TMC1: variants seen among roughly 807,000 people sequenced by gnomAD.
The protein encoded by TMC1 is transmembrane channel-like protein 1.
A neutral mutation model predicts 105.8 loss-of-function variants in TMC1; 84 were observed. That is an observed-to-expected ratio of 0.79 (90% confidence interval 0.67 to 0.95). TMC1 has a LOEUF of 0.95. Ranked by LOEUF, TMC1 falls within the 40% of genes least tolerant of loss-of-function variation. The pLI is 0.00. For missense variants in TMC1, 817 were observed against 914.1 expected (o/e 0.89, Z 1.37); for synonymous variants, 315 against 311.5 (o/e 1.01, Z -0.12).
chr9:72,596,145 G>T (rs1406728550), intron 2 of TMC1, among the ~76,000 whole-genome samples: 12 of 152,156 alleles, frequency 7.9e-5, no homozygotes, highest in Non-Finnish European at 1.5e-5. Flanking sequence ...AAAGTGCTGG[G>T]ATTACAGGCG....
rs890816547 is a variant in TMC1, at chr9:72,592,502, G to T, written c.-306+14479G>T. ...AGCACCTTGCTGTGAGCTCTCCTTG[G>T]GAGGCTGCCTCTCCCTCCTCCTTCA... On this transcript the variant is annotated intron_variant, in intron 2 of 23. Transcript: ENST00000297784. Among the ~76,000 whole-genome samples, 71 of 152,108 alleles carry T rather than the reference G, an allele frequency of 4.7e-4. 1 individual carries two copies. Among genetic ancestry groups the T allele is most frequent in the Admixed American group, 5.2e-4 (8 of 15,258 alleles).
chr9:72,654,113 G>A (rs1825851806), intron 5 of TMC1, among the ~76,000 whole-genome samples: 1 of 152,152 alleles, frequency 6.6e-6, no homozygotes, highest in African/African-American at 2.4e-5. Context: ...GAAGTCTGTT[G>A]TGAATGTTTG....
intron 2 of TMC1, among the ~76,000 whole-genome samples, chr9:72,582,469 G>GATTT (rs1824491109): frequency 6.6e-6 from 1 of 152,132 alleles, no homozygotes; most frequent in African/African-American, 2.4e-5. Context: ...ATTAACTGAG[G>GATTT]ATTTAGTTAG....
intron 5 of TMC1, among the ~76,000 whole-genome samples, chr9:72,679,455 T>C (rs1468845091): frequency 6.6e-6 from 1 of 152,054 alleles, no homozygotes; most frequent in African/African-American, 2.4e-5. Context: ...TTGTACAGAG[T>C]GCAACATATA....
At chr9:72,650,890 A>ATATATATATATATC (rs1564468483) in intron 5 of TMC1, among the ~76,000 whole-genome samples, 2 of 139,642 alleles carry the variant, frequency 1.4e-5, no homozygotes, top group African/African-American at 5.4e-5. Context: ...ATAGATATAT[A>ATATATATATATATC]GATATATATA....
Position 72,827,054 on chromosome 9 carries a change from C to T in TMC1, c.2129+60C>T, listed in dbSNP as rs1828968596. The T allele has an allele frequency of 3.7e-6, 6 of 1,609,630 alleles. No individual in the cohort carries two copies. The Admixed American group carries it at 1.0e-4, about 27-fold the overall frequency. ...GTGATGTTCTTCCTGGCTGTTTTTA[C>T]ATTTCAGCTTTTTCAGCTCTCTCAC... On this transcript the variant is annotated intron_variant, in intron 21 of 23. Transcript: ENST00000297784.
At chr9:72,793,539 A>G (rs369327407) in intron 17 of TMC1, among the ~76,000 whole-genome samples, 117 of 152,268 alleles carry the variant, frequency 7.7e-4, no homozygotes, top group African/African-American at 2.6e-3. Flanking sequence ...TGGGTCTCCT[A>G]TCCCTTTCCT....
intron 1 of TMC1, among the ~76,000 whole-genome samples, chr9:72,562,480 T>A (rs970998683): frequency 2.0e-5 from 3 of 152,214 alleles, no homozygotes; most frequent in African/African-American, 7.2e-5. Context: ...TGGCTGGAAG[T>A]CTAAGTGAAA....
chr9:72,673,656 A>T (rs969961516), intron 5 of TMC1, among the ~76,000 whole-genome samples: 1 of 152,158 alleles, frequency 6.6e-6, no homozygotes, highest in African/African-American at 2.4e-5. Flanking sequence ...CAGGCCAATA[A>T]ATTTGACAAC....
At chr9:72,792,423 A>G in intron 17 of TMC1, 71 bp downstream of exon 17, 6 of 1,589,900 alleles carry the variant, frequency 3.8e-6, no homozygotes, top group Non-Finnish European at 4.3e-6. Flanking sequence ...CTTCCATAAG[A>G]TTGGCTTTTA....
rs1201937333 is a variant in TMC1, at chr9:72,836,938, G to A, written c.*965G>A. Reference sequence around the variant, plus strand: ...GGTTTATTAAAAAGTTTTACAGCAGGAACAAAAGGAAATAAAATATACTTG... The same window carrying A: ...GGTTTATTAAAAAGTTTTACAGCAGAAACAAAAGGAAATAAAATATACTTG... On this transcript the variant is annotated 3_prime_UTR_variant, in exon 24 of 24. Coordinates refer to ENST00000297784, the MANE Select transcript of TMC1 (RefSeq NM_138691.3). The A allele has an allele frequency of 6.6e-6, 1 of 152,112 alleles. No homozygotes were observed. Among genetic ancestry groups the A allele is most frequent in the East Asian group, 1.9e-4 (1 of 5,186 alleles). The allele number at this position is 152,112 out of a possible 1,614,324, so 9.4% of individuals were successfully genotyped here.
chr9:72,795,178 A>G (rs530095699), intron 17 of TMC1, among the ~76,000 whole-genome samples: 7 of 152,350 alleles, frequency 4.6e-5, no homozygotes, highest in Admixed American at 4.6e-4. Flanking sequence ...GGGATGGGGA[A>G]AAAGCAAACA....
At chr9:72,723,173 T>TA (rs1412584413) in intron 8 of TMC1, among the ~76,000 whole-genome samples, 3 of 152,188 alleles carry the variant, frequency 2.0e-5, no homozygotes, top group Non-Finnish European at 4.4e-5. Flanking sequence ...TTTTTTAAAC[T>TA]AAAAAAACTG....
intron 17 of TMC1, 82 bp downstream of exon 17, chr9:72,792,434 A>G: frequency 1.3e-6 from 2 of 1,548,496 alleles, no homozygotes; most frequent in South Asian, 2.2e-5. Flanking sequence ...TTGGCTTTTA[A>G]AAAATTGCTT....
At chr9:72,538,485 G>A (rs1348682761) in intron 1 of TMC1, among the ~76,000 whole-genome samples, 3 of 150,542 alleles carry the variant, frequency 2.0e-5, no homozygotes, top group African/African-American at 7.4e-5. Context: ...CATCCAGGCT[G>A]GAGTGCAGTG....
chr9:72,836,123 G>GCAT lies in TMC1; in HGVS notation c.*156_*158dup. On this transcript the variant is annotated 3_prime_UTR_variant, in exon 24 of 24. Transcript: ENST00000297784. ...TTCAAGGTCATGCTGGCCAATTAAG[G>GCAT]CATCATCAGTCCTACCTGAGCAACA... 1 of 876,560 alleles carries GCAT rather than the reference G, an allele frequency of 1.1e-6. No individual in the cohort carries two copies. Among genetic ancestry groups the GCAT allele is most frequent in the South Asian group, 1.3e-5 (1 of 74,980 alleles). 54.3% of individuals were successfully genotyped at this position (876,560 alleles called of 1,614,324 possible). A position where few individuals can be genotyped will look rare whatever the true frequency, so the allele number is the denominator to read the frequency against.
chr9:72,614,903 C>G (rs1825100351), intron 2 of TMC1, among the ~76,000 whole-genome samples: 1 of 152,180 alleles, frequency 6.6e-6, no homozygotes, highest in African/African-American at 2.4e-5. Flanking sequence ...TGGTCTGAAA[C>G]TCCTGAGCTC....
Position 72,645,310 on chromosome 9 carries a change from G to C in TMC1, c.-52-3287G>C, listed in dbSNP as rs1588008783. 2.0e-5 allele frequency among the ~76,000 whole-genome samples: 3 copies of C among 152,210 alleles called. No homozygotes were observed. In the South Asian group the frequency reaches 6.2e-4, roughly 32 times the overall value. On this transcript the variant is annotated intron_variant, in intron 4 of 23. Coordinates refer to ENST00000297784, the MANE Select transcript of TMC1 (RefSeq NM_138691.3). ...TTGTGCCCAGATCAGCTGCAGGCAAGAGTAGAGCTTTTGACGGAAATTTTA... is the reference window on the plus strand; with the variant it reads ...TTGTGCCCAGATCAGCTGCAGGCAACAGTAGAGCTTTTGACGGAAATTTTA...
At chr9:72,664,138 A>G (rs1826006576) in intron 5 of TMC1, among the ~76,000 whole-genome samples, 1 of 152,252 alleles carries the variant, frequency 6.6e-6, no homozygotes, top group Non-Finnish European at 1.5e-5. Flanking sequence ...TACACTCTAA[A>G]ATAACGATTA....
Sources: allele counts gnomAD v4.1 joint callset (sites outside exome capture counted in the v4.1 genomes callset), GRCh38; gene constraint gnomAD v4.1.1; transcripts MANE v1.5; gene names NCBI Gene and HGNC (gene_info 2026-07-23, HGNC 2026-07-21).